The following ZFHX3 variants were observed in gnomAD, a reference collection of about 807,000 sequenced individuals.
The protein encoded by ZFHX3 is zinc finger homeobox protein 3.
Under a neutral mutation model 279.1 loss-of-function variants are expected in ZFHX3, and 42 were observed. That is an observed-to-expected ratio of 0.15 (90% CI 0.12 to 0.19). ZFHX3 has a LOEUF of 0.19. ZFHX3 is among the 10% of genes least tolerant of loss of function. The pLI is 1.00. For synonymous variants in ZFHX3, 2,293 were observed against 1,957.8 expected (o/e 1.17, Z -4.52); for missense variants, 4,981 against 4,754.0 (o/e 1.05, Z -1.40).
chr16:73,766,540 C>G (rs2053945803), intron 1 of ZFHX3, among the ~76,000 whole-genome samples: 1 of 152,128 alleles, frequency 6.6e-6, no homozygotes, highest in Non-Finnish European at 1.5e-5. Flanking sequence ...CCTATCCTAG[C>G]AAGTATCAAT....
At chr16:72,922,721 A>T (rs2039614068) in intron 3 of ZFHX3, among the ~76,000 whole-genome samples, 1 of 152,186 alleles carries the variant, frequency 6.6e-6, no homozygotes, top group South Asian at 2.1e-4. Flanking sequence ...GAATCATAAA[A>T]CATTTGTTTC....
intron 3 of ZFHX3, among the ~76,000 whole-genome samples, chr16:72,939,744 C>T (rs991133381): frequency 3.3e-5 from 5 of 152,212 alleles, no homozygotes; most frequent in Admixed American, 6.5e-5. Context: ...AAAAATTAGC[C>T]GGGTATGGTG....
intron 1 of ZFHX3, among the ~76,000 whole-genome samples, chr16:73,812,262 G>A (rs1035299755): frequency 1.3e-5 from 2 of 152,162 alleles, no homozygotes; most frequent in African/African-American, 4.8e-5. Context: ...AGCTCCCATG[G>A]CTGAAAATCT....
chr16:73,487,878 A>T (rs1047148688), intron 2 of ZFHX3: 9 of 152,804 alleles, frequency 5.9e-5, no homozygotes, highest in Non-Finnish European at 1.3e-4. Context: ...ATATGCAAAA[A>T]GCTGAGCCTA....
chr16:72,848,133 C>T (rs756013964), intron 4 of ZFHX3, among the ~76,000 whole-genome samples: 1 of 152,204 alleles, frequency 6.6e-6, no homozygotes, highest in East Asian at 1.9e-4. Flanking sequence ...GCCCTCCCTC[C>T]GCTCCTGGGG....
intron 3 of ZFHX3, among the ~76,000 whole-genome samples, chr16:73,326,469 G>C (rs774194506): frequency 6.6e-6 from 1 of 152,148 alleles, no homozygotes; most frequent in Admixed American, 6.5e-5. Flanking sequence ...CAAAGAGGAC[G>C]AACCTTAAAA....
intron 3 of ZFHX3, among the ~76,000 whole-genome samples, chr16:73,425,911 A>T (rs754435817): frequency 2.0e-5 from 3 of 147,174 alleles, no homozygotes; most frequent in Non-Finnish European, 4.5e-5. Context: ...GAAACCCGTG[A>T]AAGAAAAATA....
intron 2 of ZFHX3, among the ~76,000 whole-genome samples, chr16:73,473,349 A>AAC (rs1555519242): frequency 2.0e-5 from 1 of 51,068 alleles, no homozygotes; most frequent in Non-Finnish European, 4.2e-5. Context: ...CAAAAAAAAA[A>AAC]AAAAAAAACA....
chr16:73,779,204 G>A (rs921065463), intron 1 of ZFHX3, among the ~76,000 whole-genome samples: 2 of 152,194 alleles, frequency 1.3e-5, no homozygotes, highest in African/African-American at 4.8e-5. Context: ...AATTCTGGGG[G>A]TGATTTTTTT....
chr16:73,237,177 T>C (rs571906411), intron 5 of ZFHX3, among the ~76,000 whole-genome samples: 57 of 152,298 alleles, frequency 3.7e-4, no homozygotes, highest in Middle Eastern at 3.4e-3. Flanking sequence ...CTTAATCTGG[T>C]GCCATTTTAG....
At chr16:73,366,627 T>G in intron 3 of ZFHX3, among the ~76,000 whole-genome samples, 1 of 146,698 alleles carries the variant, frequency 6.8e-6, no homozygotes, top group Non-Finnish European at 1.5e-5. Flanking sequence ...GAGAGACAGA[T>G]AAGCAACTCC....
chr16:73,381,586 C>T (rs1208727049), intron 3 of ZFHX3, among the ~76,000 whole-genome samples: 3 of 152,130 alleles, frequency 2.0e-5, no homozygotes, highest in Admixed American at 6.5e-5. Context: ...AATGGGCTGG[C>T]ACCAATGGCT....
At chr16:72,818,629 G>A (rs1052723965) in intron 5 of ZFHX3, among the ~76,000 whole-genome samples, 1 of 152,276 alleles carries the variant, frequency 6.6e-6, no homozygotes, top group East Asian at 1.9e-4. Context: ...GCAGATGCAC[G>A]CACATGTTCA....
chr16:73,400,226 C>G (rs985515675), intron 3 of ZFHX3: 1 of 152,218 alleles, frequency 6.6e-6, no homozygotes, highest in African/African-American at 2.4e-5. Context: ...GCCTTCCTTA[C>G]TTCCCATTCT....
At chr16:72,887,128 A>G (rs2144056552) in intron 4 of ZFHX3, among the ~76,000 whole-genome samples, 1 of 152,298 alleles carries the variant, frequency 6.6e-6, no homozygotes, top group South Asian at 2.1e-4. Flanking sequence ...ATCATTTGGG[A>G]ATTGCTGTTT....
chr16:73,580,105 A>T (rs1180822321), intron 2 of ZFHX3, among the ~76,000 whole-genome samples: 9 of 151,526 alleles, frequency 5.9e-5, no homozygotes, highest in Non-Finnish European at 1.5e-5. Context: ...AGAAATAATT[A>T]TTCTATTAGG....
At chr16:73,612,188 T>C (rs2052253683) in intron 2 of ZFHX3, among the ~76,000 whole-genome samples, 1 of 152,172 alleles carries the variant, frequency 6.6e-6, no homozygotes, top group South Asian at 2.1e-4. Flanking sequence ...TACCTAGGCT[T>C]TTTGACACTT....
At chr16:72,934,672 C>CCTGTCGACTTGA (rs113839872) in intron 3 of ZFHX3, among the ~76,000 whole-genome samples, 1 of 152,054 alleles carries the variant, frequency 6.6e-6, no homozygotes, top group African/African-American at 2.4e-5. Context: ...CCTTCACCTT[C>CCTGTCGACTTGA]ATAACTCTTG....
intron 4 of ZFHX3, among the ~76,000 whole-genome samples, chr16:73,306,369 G>C (rs1246878053): frequency 6.6e-6 from 1 of 152,184 alleles, no homozygotes; most frequent in Non-Finnish European, 1.5e-5. Flanking sequence ...GCCTAGGCTG[G>C]AGTGCAGTGG....
Sources: gnomAD v4.1 joint callset for allele counts (sites outside exome capture counted in the v4.1 genomes callset) on GRCh38, gnomAD v4.1.1 for gene constraint, MANE v1.5 for transcripts, NCBI Gene and HGNC (gene_info 2026-07-23, HGNC 2026-07-21) for gene names.